SATB1: variants seen among roughly 807,000 people sequenced by gnomAD.
SATB1 encodes the protein SATB homeobox 1, also known as DNA-binding protein SATB1.
A neutral mutation model predicts 86.9 loss-of-function variants in SATB1; 11 were observed. That is an observed-to-expected ratio of 0.13 (90% CI 0.08 to 0.21). The LOEUF (loss-of-function observed/expected upper bound fraction) is 0.21. SATB1 is among the 10% of genes least tolerant of loss of function. The pLI is 1.00. For missense variants in SATB1, 551 were observed against 937.6 expected (o/e 0.59, Z 5.39); for synonymous variants, 357 against 357.2 (o/e 1.00, Z 0.01).
chr3:18,401,575 T>C (rs982501716), intron 5 of SATB1, among the ~76,000 whole-genome samples: 4 of 152,196 alleles, frequency 2.6e-5, no homozygotes, highest in East Asian at 1.9e-4. Context: ...AAAACATCAA[T>C]GTTCACAGAA....
chr3:18,360,327 C>A (rs750708026), intron 9 of SATB1, among the ~76,000 whole-genome samples: 2 of 152,102 alleles, frequency 1.3e-5, no homozygotes, highest in Non-Finnish European at 2.9e-5. Context: ...CATAGTTACC[C>A]TACTGTGCAC....
intron 5 of SATB1, among the ~76,000 whole-genome samples, chr3:18,403,131 T>C (rs1575146892): frequency 6.6e-6 from 1 of 152,102 alleles, no homozygotes; most frequent in East Asian, 1.9e-4. Context: ...GTGACTGCTG[T>C]ATAAAAATGA....
At chr3:18,375,814 C>T (rs529383689) in intron 9 of SATB1, among the ~76,000 whole-genome samples, 1 of 152,164 alleles carries the variant, frequency 6.6e-6, no homozygotes, top group African/African-American at 2.4e-5. Context: ...AACTGAACAA[C>T]TAAGTCAAGA....
At chr3:18,351,894 T>C in intron 10 of SATB1, 98 bp downstream of exon 10, 2 of 1,141,892 alleles carry the variant, frequency 1.8e-6, no homozygotes, top group South Asian at 1.3e-5. Context: ...AAAAAGCCTA[T>C]GGTTAGACTG....
At chr3:18,435,457 C>T (rs996811165) in intron 2 of SATB1, among the ~76,000 whole-genome samples, 1 of 152,122 alleles carries the variant, frequency 6.6e-6, no homozygotes, top group Non-Finnish European at 1.5e-5. Context: ...ATTCTCCTGG[C>T]ATTCCCCATA....
At chr3:18,445,325 C>G (rs1268489442) in intron 1 of SATB1, 1 of 983,024 alleles carries the variant, frequency 1.0e-6, no homozygotes, top group Non-Finnish European at 1.2e-6. Context: ...GCACCGCTCC[C>G]GGGCTCCCTC....
chr3:18,362,873 A>C (rs1223354784), intron 9 of SATB1, among the ~76,000 whole-genome samples: 3,211 of 147,162 alleles, frequency 0.022, 189 homozygotes, highest in African/African-American at 0.076. Context: ...AAAAAAAAAA[A>C]AAAAAAAACC....
rs1313927604 is a variant in SATB1, at chr3:18,355,293, T to G, written c.1576-3098A>C. ...CATTCCCAGTTTACACTGGCAAAAA[T>G]AAGATAATTTATTCTAATGCTATTT... On this transcript the variant is annotated intron_variant, in intron 9 of 10. Coordinates refer to ENST00000338745, the MANE Select transcript of SATB1 (RefSeq NM_002971.6). Among the ~76,000 whole-genome samples the G allele has an allele frequency of 3.3e-5, 5 of 152,178 alleles. No individual in the cohort carries two copies. In the East Asian group the frequency reaches 9.6e-4, roughly 29 times the overall value.
intron 9 of SATB1, among the ~76,000 whole-genome samples, chr3:18,364,438 A>G (rs1695079072): frequency 6.6e-6 from 1 of 152,186 alleles, no homozygotes; most frequent in South Asian, 2.1e-4. Context: ...CTAGAACAAC[A>G]TAATAGGACA....
intron 8 of SATB1, among the ~76,000 whole-genome samples, chr3:18,381,066 C>T (rs1439647045): frequency 6.6e-6 from 1 of 152,194 alleles, no homozygotes. Flanking sequence ...ATTAAGGCGG[C>T]GCCGGGGAAG....
At chr3:18,401,191 A>G (rs969254246) in intron 5 of SATB1, among the ~76,000 whole-genome samples, 1 of 152,180 alleles carries the variant, frequency 6.6e-6, no homozygotes. Flanking sequence ...TCCTGGACTC[A>G]TCAGAGGGCT....
chr3:18,398,136 C>A (rs754391494), intron 5 of SATB1, among the ~76,000 whole-genome samples: 9 of 152,042 alleles, frequency 5.9e-5, no homozygotes, highest in South Asian at 2.1e-4. Flanking sequence ...TTAATAAATG[C>A]CCGGAAAACT....
chr3:18,347,777 A>C lies in SATB1; in HGVS notation c.*1393T>G, dbSNP rs1694132758. 6.6e-6 allele frequency: 1 copy of C among 152,212 alleles called. No homozygotes were observed. Among genetic ancestry groups the C allele is most frequent in the South Asian group, 2.1e-4 (1 of 4,834 alleles). 9.4% of individuals were successfully genotyped at this position (152,212 alleles called of 1,614,324 possible). ...TTGTGAAATTTCATACCTATTTAAAAATGAGCATGTGTTTGTGATTTAAAT... is the reference window on the plus strand; with the variant it reads ...TTGTGAAATTTCATACCTATTTAAACATGAGCATGTGTTTGTGATTTAAAT... On this transcript the variant is annotated 3_prime_UTR_variant, in exon 11 of 11. Coordinates refer to ENST00000338745, the MANE Select transcript of SATB1 (RefSeq NM_002971.6).
chr3:18,429,946 CAG>C, upstream of SATB1, among the ~76,000 whole-genome samples: 1 of 152,310 alleles, frequency 6.6e-6, no homozygotes, highest in African/African-American at 2.4e-5. This position sits in a 1 kb window ranked among gnomAD's most constrained non-coding sequence, Gnocchi z 4.1. Flanking sequence ...CAAAAGCTCA[CAG>C]TGTCACTTGC....
upstream of SATB1, among the ~76,000 whole-genome samples, chr3:18,428,184 G>A (rs1698772815): frequency 6.6e-6 from 1 of 152,152 alleles, no homozygotes; most frequent in African/African-American, 2.4e-5. Context: ...TCTGGTGAGG[G>A]CCTTCTTCCT....
At chr3:18,439,588 A>C (rs1699182182), upstream of SATB1, among the ~76,000 whole-genome samples, 1 of 152,190 alleles carries the variant, frequency 6.6e-6, no homozygotes, top group Non-Finnish European at 1.5e-5. Flanking sequence ...ATAAATTACT[A>C]TAGTAGACAC....
In SATB1 at chr3:18,415,231, G is replaced by A. The variant is rs1298614955; in HGVS notation, c.519C>T (p.Cys173=). ...VVTLKIQLHS[C]PKLEDLPPEQ... ...CGGGAGGCAAGTCTTCTAGTTTGGG[G>A]CAACTATTTGAGACATAGATTAGAA... Residue 173 remains cysteine (C), a synonymous_variant, in exon 5 of 11, where the codon TGC becomes TGT. Coordinates refer to ENST00000338745, the MANE Select transcript of SATB1 (RefSeq NM_002971.6). The A allele has an allele frequency of 6.2e-7, 1 of 1,612,642 alleles. No homozygotes were observed. The highest frequency in any genetic ancestry group is 8.5e-7 in the Non-Finnish European group (1 of 1,179,038).
At chr3:18,432,542 G>A (rs533939142) in intron 2 of SATB1, among the ~76,000 whole-genome samples, 1 of 152,244 alleles carries the variant, frequency 6.6e-6, no homozygotes, top group East Asian at 1.9e-4. Flanking sequence ...CCGTTGGAAG[G>A]AAAGCCACCA....
intron 2 of SATB1, among the ~76,000 whole-genome samples, chr3:18,432,966 G>A (rs1698937426): frequency 6.6e-6 from 1 of 151,952 alleles, no homozygotes; most frequent in Non-Finnish European, 1.5e-5. Flanking sequence ...GTCCTTACCT[G>A]CTAACAGCTA....
Sources: gnomAD v4.1 joint callset for allele counts (sites outside exome capture counted in the v4.1 genomes callset) on GRCh38, gnomAD v4.1.1 for gene constraint, Gnocchi (gnomAD v3.1) non-coding constraint, MANE v1.5 for transcripts, NCBI Gene and HGNC (gene_info 2026-07-23, HGNC 2026-07-21) for gene names.